EPSTI1: variants seen among roughly 807,000 people sequenced by gnomAD.
The protein encoded by EPSTI1 is epithelial-stromal interaction protein 1.
Under a neutral mutation model 49.9 loss-of-function variants are expected in EPSTI1, and 66 were observed. The ratio of observed to expected loss-of-function variants is 1.32; its 90% CI spans 1.08 to 1.62. The LOEUF is 1.62. Among genes scored for constraint, EPSTI1 ranks in the 40% most tolerant of loss-of-function variants. The pLI is 0.00. For missense variants in EPSTI1, 394 were observed against 365.5 expected, an observed-to-expected ratio of 1.08 and a Z score of -0.64; for synonymous variants, 137 against 130.7, an observed-to-expected ratio of 1.05 and a Z score of -0.33.
At chr13:42,956,882 G>A (rs1402802631) in intron 5 of EPSTI1, among the ~76,000 whole-genome samples, 1 of 152,124 alleles carries the variant, frequency 6.6e-6, no homozygotes, top group East Asian at 1.9e-4. Flanking sequence ...AATTATATAG[G>A]AATGTATGTG....
chr13:42,959,222 C>A (rs1409879187), intron 5 of EPSTI1, among the ~76,000 whole-genome samples: 1 of 152,148 alleles, frequency 6.6e-6, no homozygotes, highest in African/African-American at 2.4e-5. Context: ...ACTCTTAGTA[C>A]CACATGTTTA....
chr13:42,929,919 G>A (rs1246786533), intron 6 of EPSTI1, among the ~76,000 whole-genome samples: 3 of 152,150 alleles, frequency 2.0e-5, no homozygotes, highest in East Asian at 3.9e-4. Flanking sequence ...AATGCCAGTG[G>A]GAAGACCAGT....
At chr13:42,907,448 A>G (rs1371323782) in intron 8 of EPSTI1, among the ~76,000 whole-genome samples, 1 of 152,208 alleles carries the variant, frequency 6.6e-6, no homozygotes, top group Admixed American at 6.5e-5. Flanking sequence ...TTGTACAAAT[A>G]TCTTGTCTGT....
intron 6 of EPSTI1, among the ~76,000 whole-genome samples, chr13:42,950,103 T>C (rs555015395): frequency 5.3e-5 from 8 of 152,308 alleles, no homozygotes; most frequent in Middle Eastern, 3.4e-3. Context: ...AACTGCCGAT[T>C]TCTACCCTCT....
intron 6 of EPSTI1, among the ~76,000 whole-genome samples, chr13:42,936,976 A>G (rs2038584796): frequency 1.3e-5 from 2 of 152,160 alleles, no homozygotes; most frequent in African/African-American, 4.8e-5. Flanking sequence ...CATCCCCAAT[A>G]TCAATATGTC....
intron 8 of EPSTI1, among the ~76,000 whole-genome samples, chr13:42,914,814 AT>A (rs1309655843): frequency 6.6e-6 from 1 of 152,196 alleles, no homozygotes; most frequent in Non-Finnish European, 1.5e-5. Flanking sequence ...ACTGTGGCAT[AT>A]TTCTGACAAA....
At chr13:42,987,664 G>A (rs1198835876) in intron 1 of EPSTI1, among the ~76,000 whole-genome samples, 1 of 152,098 alleles carries the variant, frequency 6.6e-6, no homozygotes, top group Non-Finnish European at 1.5e-5. Flanking sequence ...GTGGCCCCAG[G>A]AAGCCAAAAG....
intron 6 of EPSTI1, among the ~76,000 whole-genome samples, chr13:42,938,921 A>AAAAAAAAAAAAAAAAAAAAAAAAAAACAC (rs2038657643): frequency 6.7e-6 from 1 of 150,290 alleles, no homozygotes; most frequent in Non-Finnish European, 1.5e-5. Context: ...TCTCAAAAAA[A>AAAAAAAAAAAAAAAAAAAAAAAAAAACAC]AAAAAAAAAA....
chr13:42,890,535 T>G (rs948710127), intron 10 of EPSTI1, among the ~76,000 whole-genome samples: 1 of 152,168 alleles, frequency 6.6e-6, no homozygotes, highest in Non-Finnish European at 1.5e-5. Flanking sequence ...CCTGACCTCG[T>G]GATCCGCCCA....
At chr13:42,964,832 T>C (rs1042593726) in intron 3 of EPSTI1, among the ~76,000 whole-genome samples, 3 of 152,214 alleles carry the variant, frequency 2.0e-5, no homozygotes, top group African/African-American at 7.2e-5. Flanking sequence ...ATCTAAGAAT[T>C]ACCATTTAGG....
At chr13:42,960,414 C>A (rs1276602126) in intron 5 of EPSTI1, among the ~76,000 whole-genome samples, 1 of 152,144 alleles carries the variant, frequency 6.6e-6, no homozygotes, top group Non-Finnish European at 1.5e-5. Context: ...ACTGAAAGAA[C>A]CAGTGGCAAA....
At chr13:42,987,663 G>A (rs1371005168) in intron 1 of EPSTI1, among the ~76,000 whole-genome samples, 3 of 152,066 alleles carry the variant, frequency 2.0e-5, no homozygotes, top group African/African-American at 7.2e-5. Flanking sequence ...TGTGGCCCCA[G>A]GAAGCCAAAA....
At chr13:42,907,854 C>A (rs1011032778) in intron 8 of EPSTI1, among the ~76,000 whole-genome samples, 3 of 152,088 alleles carry the variant, frequency 2.0e-5, no homozygotes, top group African/African-American at 7.2e-5. Context: ...CTGCTTTATT[C>A]GAATTGACTT....
At position 42,917,640 on chromosome 13, in the gene EPSTI1, G is replaced by GAAAAAAAAAAAAA; in HGVS notation, c.658-17_658-16insTTTTTTTTTTTTT. 2 of 149,410 alleles carry GAAAAAAAAAAAAA rather than the reference G, an allele frequency of 1.3e-5. No homozygotes were observed. The highest frequency in any genetic ancestry group is 1.8e-4 in the African/African-American group (2 of 10,910). 9.3% of individuals were successfully genotyped at this position (149,410 alleles called of 1,614,324 possible). A position where few individuals can be genotyped will look rare whatever the true frequency, so the allele number is the denominator to read the frequency against. On this transcript the variant is annotated splice_polypyrimidine_tract_variant and intron_variant, in intron 7 of 10. Coordinates refer to ENST00000313624, the MANE Select transcript of EPSTI1 (RefSeq NM_033255.5). Reference sequence around the variant, plus strand: ...AGCTTCTGGCCTGTAAAGGTACAAAGAGAAAAAAAAAAAAAAAAACAACTT... The same window carrying GAAAAAAAAAAAAA: ...AGCTTCTGGCCTGTAAAGGTACAAAGAAAAAAAAAAAAAAGAAAAAAAAAAAAAAAAACAACTT...
intron 3 of EPSTI1, 141 bp downstream of exon 3, chr13:42,968,953 C>CACACACACACACACACACACACA (rs1555268612): frequency 6.6e-6 from 4 of 605,640 alleles, no homozygotes; most frequent in East Asian, 3.2e-5. Context: ...CACACACACA[C>CACACACACACACACACACACACA]AATTAAATGC....
At chr13:42,952,679 C>T (rs1194212139) in intron 6 of EPSTI1, among the ~76,000 whole-genome samples, 1 of 152,158 alleles carries the variant, frequency 6.6e-6, no homozygotes, top group African/African-American at 2.4e-5. Context: ...GAGTGATGCT[C>T]CTTTTAGCTA....
chr13:42,951,966 T>G (rs943149386), intron 6 of EPSTI1, among the ~76,000 whole-genome samples: 1 of 152,188 alleles, frequency 6.6e-6, no homozygotes, highest in Admixed American at 6.5e-5. Flanking sequence ...CAATCAGCAC[T>G]CCGTAGCTAG....
chr13:42,985,175 A>G (rs1174660151), intron 1 of EPSTI1, among the ~76,000 whole-genome samples: 2 of 152,196 alleles, frequency 1.3e-5, no homozygotes, highest in Non-Finnish European at 2.9e-5. Context: ...AGAAAATCAT[A>G]TTTATTCTGG....
At chr13:42,976,003 C>A (rs1886151) in intron 1 of EPSTI1, among the ~76,000 whole-genome samples, 97,504 of 152,004 alleles carry the variant, frequency 0.64, 31,311 homozygotes, top group Middle Eastern at 0.83. Flanking sequence ...AAATAACTGT[C>A]AGAAATTCAT....
Sources: allele counts gnomAD v4.1 joint callset (sites outside exome capture counted in the v4.1 genomes callset), GRCh38; gene constraint gnomAD v4.1.1; transcripts MANE v1.5; gene names NCBI Gene and HGNC (gene_info 2026-07-23, HGNC 2026-07-21).